SLC12A6: variants seen among roughly 807,000 people sequenced by gnomAD.
SLC12A6 encodes K-Cl cotransporter 3.
In SLC12A6, 66 loss-of-function variants were observed where a neutral mutation model predicts 135.3. The observed-to-expected ratio is 0.49, with a 90% CI of 0.40 to 0.60. SLC12A6 has a LOEUF of 0.60. Ranked by LOEUF, SLC12A6 falls within the 20% of genes least tolerant of loss-of-function variation. SLC12A6 has a pLI of 0.00. For missense variants in SLC12A6, 1,058 were observed against 1,452.3 expected, an observed-to-expected ratio of 0.73 and a Z score of 4.41; for synonymous variants, 513 against 508.8, an observed-to-expected ratio of 1.01 and a Z score of -0.11.
intron 2 of SLC12A6, among the ~76,000 whole-genome samples, chr15:34,296,307 T>G (rs1412385562): frequency 6.6e-6 from 1 of 151,938 alleles, no homozygotes; most frequent in Non-Finnish European, 1.5e-5. Flanking sequence ...ATAGTAACAT[T>G]TTACAGTTTT....
At chr15:34,319,130 CTTT>C (rs926815901) in intron 2 of SLC12A6, among the ~76,000 whole-genome samples, 11 of 135,356 alleles carry the variant, frequency 8.1e-5, no homozygotes, top group Non-Finnish European at 4.8e-5. Context: ...GAACAGTTAA[CTTT>C]TTTTTTTTTT....
chr15:34,288,510 A>G (rs1895280509), intron 2 of SLC12A6, among the ~76,000 whole-genome samples: 1 of 152,176 alleles, frequency 6.6e-6, no homozygotes, highest in African/African-American at 2.4e-5. Context: ...TTTTTTCCCA[A>G]TTCTGTGAAG....
intron 2 of SLC12A6, among the ~76,000 whole-genome samples, chr15:34,316,098 G>A (rs1888630891): frequency 6.7e-6 from 1 of 148,878 alleles, no homozygotes; most frequent in South Asian, 2.1e-4. Flanking sequence ...TTCCTCATCT[G>A]TCCCGTTCAA....
intron 2 of SLC12A6, among the ~76,000 whole-genome samples, chr15:34,327,745 T>A (rs1889569283): frequency 6.6e-6 from 1 of 152,176 alleles, no homozygotes; most frequent in Non-Finnish European, 1.5e-5. Context: ...TTCTCATAGC[T>A]CCTCAAAGTG....
At chr15:34,269,932 C>A (rs1041083563) in intron 3 of SLC12A6, among the ~76,000 whole-genome samples, 1 of 152,098 alleles carries the variant, frequency 6.6e-6, no homozygotes, top group Non-Finnish European at 1.5e-5. Flanking sequence ...TGAGAGGTCA[C>A]CAAATGGTAA....
chr15:34,262,552 C>T (rs906099866), intron 3 of SLC12A6, among the ~76,000 whole-genome samples: 15 of 152,258 alleles, frequency 9.9e-5, no homozygotes, highest in Admixed American at 6.5e-4. Context: ...CTACCCCACG[C>T]GACGGGAAGC....
In SLC12A6 at chr15:34,229,939, A is replaced by G; in HGVS notation, c.*3942T>C. On this transcript the variant is annotated 3_prime_UTR_variant, in exon 26 of 26. Transcript: ENST00000354181. ...TCTCCATGGTGGGGTGACAGGTCCT[A>G]GAAGGACAATGTGCATATTACGACA... 1 of 733,362 alleles carries G rather than the reference A, an allele frequency of 1.4e-6. No individual in the cohort carries two copies. The highest frequency in any genetic ancestry group is 2.3e-5 in the Admixed American group (1 of 44,224). The allele number at this position is 733,362 out of a possible 1,614,324, so 45.4% of individuals were successfully genotyped here.
chr15:34,245,504 C>T (rs1891919570), intron 14 of SLC12A6, 101 bp from the exon 15 acceptor site: 4 of 892,110 alleles, frequency 4.5e-6, no homozygotes, highest in South Asian at 1.3e-5. Flanking sequence ...AACAGTGTTA[C>T]AACTGTGATA....
intron 2 of SLC12A6, among the ~76,000 whole-genome samples, chr15:34,303,424 G>A (rs1038781802): frequency 2.2e-4 from 34 of 152,020 alleles, no homozygotes; most frequent in African/African-American, 8.2e-4. Context: ...AAATATAAAT[G>A]GAATCATATA....
intron 3 of SLC12A6, among the ~76,000 whole-genome samples, chr15:34,272,068 T>C (rs746143514): frequency 6.6e-6 from 1 of 152,004 alleles, no homozygotes; most frequent in African/African-American, 2.4e-5. Context: ...CTCCACCTCC[T>C]GGTTCAAGCG....
At chr15:34,306,442 T>C (rs1319866788) in intron 2 of SLC12A6, among the ~76,000 whole-genome samples, 49 of 152,228 alleles carry the variant, frequency 3.2e-4, no homozygotes. Context: ...TTTCCTGGAT[T>C]TGCCATTCTT....
At chr15:34,323,478 T>C (rs1234061719) in intron 2 of SLC12A6, among the ~76,000 whole-genome samples, 4 of 152,170 alleles carry the variant, frequency 2.6e-5, no homozygotes. Context: ...AACCCTATTG[T>C]GAACAGCAAT....
At chr15:34,258,994 T>A in intron 4 of SLC12A6, 50 bp from the exon 5 acceptor site, 1 of 1,475,988 alleles carries the variant, frequency 6.8e-7, no homozygotes, top group African/African-American at 1.4e-5. Context: ...ACACTGAACA[T>A]AAGTATCAAA....
At chr15:34,257,548 G>C (rs1892835751) in intron 6 of SLC12A6, 94 bp downstream of exon 6, 4 of 919,504 alleles carry the variant, frequency 4.4e-6, no homozygotes, top group Non-Finnish European at 5.4e-6. Flanking sequence ...CCTTCCCTAA[G>C]TATTCTTTGT....
rs934430064 is a variant in SLC12A6 at position 34,240,720 on chromosome 15, C to T, written c.2377G>A (p.Gly793Ser). 1 of 1,613,936 alleles carries T rather than the reference C, an allele frequency of 6.2e-7. No homozygotes were observed. Among genetic ancestry groups the T allele is most frequent in the African/African-American group, 1.3e-5 (1 of 74,938 alleles). The change falls in exon 19 of 26, where the codon GGC (glycine) becomes AGC (serine). Residue 793 changes from glycine to serine, a missense_variant. Coordinates refer to ENST00000354181, the MANE Select transcript of SLC12A6 (RefSeq NM_001365088.1). ...AGGAAGTTCCCCACGATGACAGAGC[C>T]CACAATAGTGAGACCTTTTCCTGCT... Reference protein sequence around the residue: ...LKAGKGLTIVGSVIVGNFLEN... With the variant: ...LKAGKGLTIVSSVIVGNFLEN...
intron 9 of SLC12A6, among the ~76,000 whole-genome samples, chr15:34,253,627 CT>C (rs34782373): frequency 0.072 from 11,033 of 152,214 alleles, 539 homozygotes; most frequent in South Asian, 0.095. Context: ...CTTGAAAAAT[CT>C]TTTTTTCTGT....
intron 2 of SLC12A6, among the ~76,000 whole-genome samples, chr15:34,322,192 G>C (rs1175813926): frequency 6.6e-6 from 1 of 152,076 alleles, no homozygotes. Flanking sequence ...AGACCAGCCT[G>C]ACCAACAGGG....
At chr15:34,299,191 G>A (rs755281243) in intron 2 of SLC12A6, among the ~76,000 whole-genome samples, 1 of 152,102 alleles carries the variant, frequency 6.6e-6, no homozygotes, top group Non-Finnish European at 1.5e-5. Context: ...TGGTGGTAGC[G>A]GAGGCTACTG....
intron 2 of SLC12A6, among the ~76,000 whole-genome samples, chr15:34,291,206 G>A (rs1032124034): frequency 2.0e-5 from 3 of 152,184 alleles, no homozygotes; most frequent in African/African-American, 7.2e-5. Context: ...GCACTTGCTT[G>A]TCTGTAAAGG....
Sources: gnomAD v4.1 joint callset for allele counts (sites outside exome capture counted in the v4.1 genomes callset) on GRCh38, gnomAD v4.1.1 for gene constraint, MANE v1.5 for transcripts, NCBI Gene and HGNC (gene_info 2026-07-23, HGNC 2026-07-21) for gene names.